The following CFAP46 variants were observed in gnomAD, a reference collection of about 807,000 sequenced individuals.
CFAP46 encodes the protein cilia- and flagella-associated protein 46.
In CFAP46, 245 loss-of-function variants were observed where a neutral mutation model predicts 325.7. The observed-to-expected ratio is 0.75, with a 90% CI of 0.68 to 0.84. The LOEUF (loss-of-function observed/expected upper bound fraction) is 0.84, where lower values mean the gene tolerates loss of function less well. Among genes scored for constraint, CFAP46 ranks in the 40% least tolerant of loss-of-function variants. The pLI, the probability that CFAP46 is intolerant of heterozygous loss-of-function variation, is 0.00. For missense variants in CFAP46, 3,346 were observed against 3,543.0 expected (o/e 0.94, Z 1.41); for synonymous variants, 1,523 against 1,495.9 (o/e 1.02, Z -0.42).
rs1848095105 is a variant in CFAP46, at chr10:132,828,424, T to G, written c.7117+4934A>C. Among the ~76,000 whole-genome samples the G allele has an allele frequency of 6.6e-6, 1 of 152,002 alleles. No homozygotes were observed. Among genetic ancestry groups the G allele is most frequent in the African/African-American group, 2.4e-5 (1 of 41,244 alleles). Reference sequence around the variant, plus strand: ...TGTGCAGGGGTATTCCATTGTGGTTTCCATTTGCATTTCCTTGATAATTAA... The same window carrying G: ...TGTGCAGGGGTATTCCATTGTGGTTGCCATTTGCATTTCCTTGATAATTAA... On this transcript the variant is annotated intron_variant, in intron 50 of 57. Coordinates refer to ENST00000368586, the MANE Select transcript of CFAP46 (RefSeq NM_001200049.3). The surrounding 1 kb of genome is among the most constrained non-coding windows in gnomAD (Gnocchi z 4.9).
Position 132,924,899 on chromosome 10 carries a change from C to G in CFAP46, c.1066-13G>C. 7.3e-7 allele frequency: 1 copy of G among 1,369,524 alleles called. No homozygotes were observed. Among genetic ancestry groups the G allele is most frequent in the Non-Finnish European group, 9.5e-7 (1 of 1,054,132 alleles). The allele number at this position is 1,369,524 out of a possible 1,614,324, so 84.8% of individuals were successfully genotyped here. A position where few individuals can be genotyped will look rare whatever the true frequency, so the allele number is the denominator to read the frequency against. Reference sequence around the variant, plus strand: ...TATCCAGCTGGGCCTGCGGAGAAGACGTGGGGGATTCTAGGGAGGTTGCTG... The same window carrying G: ...TATCCAGCTGGGCCTGCGGAGAAGAGGTGGGGGATTCTAGGGAGGTTGCTG... On this transcript the variant is annotated splice_polypyrimidine_tract_variant and intron_variant, in intron 10 of 57. Transcript: ENST00000368586.
intron 17 of CFAP46, among the ~76,000 whole-genome samples, chr10:132,914,810 C>G (rs1480822612): frequency 6.6e-6 from 1 of 151,404 alleles, no homozygotes; most frequent in African/African-American, 2.4e-5. Context: ...TCCAGCCACA[C>G]TGCACCCCGG....
chr10:132,838,213 C>A (rs1848298330), intron 44 of CFAP46, among the ~76,000 whole-genome samples: 1 of 152,254 alleles, frequency 6.6e-6, no homozygotes, highest in Non-Finnish European at 1.5e-5. Context: ...CCACCACAGC[C>A]CCTGAGGGCC....
Position 132,867,418 on chromosome 10 carries a change from G to T in CFAP46, c.4700C>A (p.Pro1567His). The T allele has an allele frequency of 6.4e-7, 1 of 1,550,594 alleles. No individual in the cohort carries two copies. The highest frequency in any genetic ancestry group is 8.7e-7 in the Non-Finnish European group (1 of 1,147,000). Residue 1567 changes from proline to histidine, a missense_variant, in exon 34 of 58, where the codon CCT becomes CAT. Transcript: ENST00000368586. ...TGGTTTGATCTCCCCAGGCTGGACA[G>T]GAAGTGTCTGCTCATTCAGTGCTGG... The part of the protein sequence containing the change: ...SLPALNEQTL[P>H]VQPGEIKPLD...
At chr10:132,844,312 C>A (rs1020182418) in intron 44 of CFAP46, among the ~76,000 whole-genome samples, 1 of 152,172 alleles carries the variant, frequency 6.6e-6, no homozygotes, top group Non-Finnish European at 1.5e-5. Context: ...CTGTTGACAC[C>A]AGTCCCAGCT....
chr10:132,904,392 G>A (rs879875553), intron 22 of CFAP46, among the ~76,000 whole-genome samples: 1 of 83,788 alleles, frequency 1.2e-5, no homozygotes, highest in Non-Finnish European at 2.4e-5. Flanking sequence ...CAGGGCAGAG[G>A]GGCTCCCGCT....
At chr10:132,916,271 G>A (rs1371533307) in intron 17 of CFAP46, among the ~76,000 whole-genome samples, 3 of 152,340 alleles carry the variant, frequency 2.0e-5, no homozygotes, top group African/African-American at 7.2e-5. Flanking sequence ...GACACTACAG[G>A]ACGCTGGAAA....
In CFAP46 at chr10:132,933,255, C is replaced by T. The variant is rs566644392; in HGVS notation, c.866+1497G>A. On this transcript the variant is annotated intron_variant, in intron 8 of 57. Coordinates refer to ENST00000368586, the MANE Select transcript of CFAP46 (RefSeq NM_001200049.3). ...TGGGCCCTCTCAGGTCCTGGCAGGC[C>T]TGGCATCACAACACTGGCCTCTCCG... Among the ~76,000 whole-genome samples the T allele has an allele frequency of 2.0e-5, 3 of 152,332 alleles. No homozygotes were observed. In the East Asian group the frequency reaches 5.8e-4, roughly 29 times the overall value.
In CFAP46 at chr10:132,832,679, C is replaced by T. The variant is rs1014846042; in HGVS notation, c.7117+679G>A. 15 of 445,908 alleles carry T rather than the reference C, an allele frequency of 3.4e-5. No homozygotes were observed. Among genetic ancestry groups the T allele is most frequent in the Admixed American group, 9.6e-5 (4 of 41,804 alleles). The allele number at this position is 445,908 out of a possible 1,614,324, so 27.6% of individuals were successfully genotyped here. A position where few individuals can be genotyped will look rare whatever the true frequency, so the allele number is the denominator to read the frequency against. ...AAAACTGCACGTACCGCAAGGGTAGCGCTCGGGGAAGCTTCACAACCGGGG... is the reference window on the plus strand; with the variant it reads ...AAAACTGCACGTACCGCAAGGGTAGTGCTCGGGGAAGCTTCACAACCGGGG... On this transcript the variant is annotated intron_variant, in intron 50 of 57. Transcript: ENST00000368586. This position sits in a 1 kb window ranked among gnomAD's most constrained non-coding sequence, Gnocchi z 4.1.
chr10:132,854,201 G>GT (rs1007932646), intron 39 of CFAP46, among the ~76,000 whole-genome samples: 1 of 151,944 alleles, frequency 6.6e-6, no homozygotes, highest in Middle Eastern at 3.2e-3. Flanking sequence ...TTTGATAGGT[G>GT]TTTTTTTATT....
intron 27 of CFAP46, among the ~76,000 whole-genome samples, chr10:132,882,338 T>C (rs1226356210): frequency 6.6e-6 from 1 of 150,436 alleles, no homozygotes; most frequent in Non-Finnish European, 1.5e-5. Context: ...GGGTGTAGTA[T>C]AGGCTGTGTG....
Position 132,908,463 on chromosome 10 carries a change from C to T in CFAP46, c.2924+5G>A. On this transcript the variant is annotated splice_donor_5th_base_variant and intron_variant, in intron 22 of 57. Transcript: ENST00000368586. ...GGAATTTGTCCAGTCATGAGGGTTA[C>T]TTACGGCCCAAATTTCTTCAGGTAC... is the stretch of plus-strand genomic sequence containing the variant. 5 of 1,550,502 alleles carry T rather than the reference C, an allele frequency of 3.2e-6. No homozygotes were observed. The highest frequency in any genetic ancestry group is 1.2e-5 in the South Asian group (1 of 84,064).
chr10:132,929,883 C>G, intron 8 of CFAP46, 79 bp from the exon 9 acceptor site: 1 of 954,038 alleles, frequency 1.0e-6, no homozygotes, highest in Non-Finnish European at 1.6e-6. Context: ...TCCATGTCCC[C>G]CGTTCAAGCA....
Position 132,836,856 on chromosome 10 carries a change from G to A in CFAP46, c.6497C>T (p.Pro2166Leu), listed in dbSNP as rs754273879. The A allele has an allele frequency of 7.4e-6, 12 of 1,613,820 alleles. No individual in the cohort carries two copies. Among genetic ancestry groups the A allele is most frequent in the East Asian group, 6.7e-5 (3 of 44,900 alleles). ...QHFNLLNEMP[P>L]TFWILFLHLS... ...GTGCAGAAAGAGGATCCAAAAGGTC[G>A]GAGGCATCTCATTCAAGAGGTTAAA... The change falls in exon 45 of 58, where the codon CCG (proline) becomes CTG (leucine). Residue 2166 changes from proline (P) to leucine (L), a missense_variant. Pro to Leu is a moderately conservative substitution (Grantham distance 98, BLOSUM62 -3). Transcript: ENST00000368586.
At chr10:132,931,031 GC>G (rs1849891267) in intron 8 of CFAP46, among the ~76,000 whole-genome samples, 1 of 97,634 alleles carries the variant, frequency 1.0e-5, no homozygotes, top group Non-Finnish European at 2.0e-5. Flanking sequence ...CAAAACCTGG[GC>G]CTCCCCACAC....
At chr10:132,866,248 C>T (rs1848811401) in intron 34 of CFAP46, 77 bp from the exon 35 acceptor site, 1 of 1,394,074 alleles carries the variant, frequency 7.2e-7, no homozygotes, top group Non-Finnish European at 9.4e-7. Flanking sequence ...GGCTCTGGCT[C>T]AGGAGCCATC....
At chr10:132,816,816 G>A (rs1254502782) in intron 50 of CFAP46, among the ~76,000 whole-genome samples, 2 of 152,184 alleles carry the variant, frequency 1.3e-5, no homozygotes, top group East Asian at 3.8e-4. Context: ...GTGAGCTGTT[G>A]AATTTTCAAG....
rs905666516 is a variant in CFAP46, at chr10:132,827,823, T to C, written c.7117+5535A>G. ...GAAGCAACTTACCTGCCTTCTGACT[T>C]GTACATTGGTTTGTATTTCCCAGGC... On this transcript the variant is annotated intron_variant, in intron 50 of 57. Transcript: ENST00000368586. This position sits in a 1 kb window ranked among gnomAD's most constrained non-coding sequence, Gnocchi z 5.7. 1.3e-5 allele frequency among the ~76,000 whole-genome samples: 2 copies of C among 151,744 alleles called. No individual in the cohort carries two copies. Among genetic ancestry groups the C allele is most frequent in the African/African-American group, 4.8e-5 (2 of 41,292 alleles).
intron 17 of CFAP46, among the ~76,000 whole-genome samples, chr10:132,914,898 C>G (rs1849612724): frequency 6.6e-6 from 1 of 152,260 alleles, no homozygotes; most frequent in Non-Finnish European, 1.5e-5. Context: ...GCCGCCCTCC[C>G]TTCTGCCCAA....
Sources: allele counts gnomAD v4.1 joint callset (sites outside exome capture counted in the v4.1 genomes callset), GRCh38; gene constraint gnomAD v4.1.1; non-coding constraint Gnocchi (gnomAD v3.1); transcripts MANE v1.5; gene names NCBI Gene and HGNC (gene_info 2026-07-23, HGNC 2026-07-21).